CHD6: variants seen among roughly 807,000 people sequenced by gnomAD.
The protein encoded by CHD6 is ATP-dependent chromatin remodeler CHD6.
Under a neutral mutation model 276.9 loss-of-function variants are expected in CHD6, and 50 were observed. The ratio of observed to expected loss-of-function variants is 0.18; its 90% CI spans 0.14 to 0.23. The LOEUF (loss-of-function observed/expected upper bound fraction) is 0.23, where lower values mean the gene tolerates loss of function less well. Ranked by LOEUF, CHD6 falls within the 10% of genes least tolerant of loss-of-function variation. CHD6 has a pLI of 1.00. For missense variants in CHD6, 2,564 were observed against 3,365.8 expected, an observed-to-expected ratio of 0.76 and a Z score of 5.89; for synonymous variants, 1,173 against 1,229.3, an observed-to-expected ratio of 0.95 and a Z score of 0.96.
Position 41,425,723 on chromosome 20 carries a change from C to G in CHD6, c.4130-329G>C, listed in dbSNP as rs138224004. ...GCACCTTCCAATTACCAAAGCTCCT[C>G]TCACGTCTGAATTCAGAAAATTCAA... is the stretch of plus-strand genomic sequence containing the variant. On this transcript the variant is annotated intron_variant, in intron 28 of 36. Coordinates refer to ENST00000373233, the MANE Select transcript of CHD6 (RefSeq NM_032221.5). Among the ~76,000 whole-genome samples the G allele has an allele frequency of 2.8e-3, 419 of 152,050 alleles. 2 individuals carry two copies. Among genetic ancestry groups the G allele is most frequent in the Middle Eastern group, 0.024 (7 of 294 alleles).
rs539633890 is a variant in CHD6 at position 41,573,442 on chromosome 20, C to T, written c.-23-22082G>A. On this transcript the variant is annotated intron_variant, in intron 1 of 36. Coordinates refer to ENST00000373233, the MANE Select transcript of CHD6 (RefSeq NM_032221.5). ...CTCAAATTCCATGATTTTTAGCCTCCATGTATTATGTTACACAACAACCCT... is the reference window on the plus strand; with the variant it reads ...CTCAAATTCCATGATTTTTAGCCTCTATGTATTATGTTACACAACAACCCT... 9.2e-5 allele frequency among the ~76,000 whole-genome samples: 14 copies of T among 152,264 alleles called. 3 individuals carry two copies. The highest frequency in any genetic ancestry group is 3.4e-4 in the African/African-American group (14 of 41,536).
chr20:41,411,941 G>A (rs1015388287), intron 36 of CHD6, among the ~76,000 whole-genome samples: 1 of 152,326 alleles, frequency 6.6e-6, no homozygotes, highest in Non-Finnish European at 1.5e-5. Context: ...GAAAACAAAT[G>A]ACCACTGGGA....
rs1347309549 is a variant in CHD6, at chr20:41,473,770, C to T, written c.2469-253G>A. Among the ~76,000 whole-genome samples, 1 of 152,084 alleles carries T rather than the reference C, an allele frequency of 6.6e-6. No homozygotes were observed. The highest frequency in any genetic ancestry group is 2.4e-5 in the African/African-American group (1 of 41,420). On this transcript the variant is annotated intron_variant, in intron 16 of 36. Transcript: ENST00000373233. This position sits in a 1 kb window ranked among gnomAD's most constrained non-coding sequence, Gnocchi z 4.1. ...ACAAAACAAAGCAAAAAAAAACCAG[C>T]TGTAAACTAAGAAGGACTAGAAGAA...
In CHD6 at chr20:41,403,152, T is replaced by C; in HGVS notation, c.*1441A>G. The stretch of plus-strand genomic sequence containing the variant: ...CAGACTTTTGGACCTTCTGATAAAT[T>C]AGCAAAACTGTAACAGAAAAAGTAA... On this transcript the variant is annotated 3_prime_UTR_variant, in exon 37 of 37. Coordinates refer to ENST00000373233, the MANE Select transcript of CHD6 (RefSeq NM_032221.5). 1 of 551,368 alleles carries C rather than the reference T, an allele frequency of 1.8e-6. No homozygotes were observed. Among genetic ancestry groups the C allele is most frequent in the Non-Finnish European group, 2.4e-6 (1 of 412,058 alleles). The allele number at this position is 551,368 out of a possible 1,614,324, so 34.2% of individuals were successfully genotyped here.
intron 3 of CHD6, among the ~76,000 whole-genome samples, chr20:41,521,337 T>C (rs1233318695): frequency 1.3e-5 from 2 of 152,176 alleles, no homozygotes; most frequent in Non-Finnish European, 2.9e-5. Flanking sequence ...GGTAGTTAAA[T>C]GGTGAAGTGA....
chr20:41,489,618 G>A (rs1323157535), intron 12 of CHD6, among the ~76,000 whole-genome samples, 160 bp downstream of exon 12: 2 of 152,158 alleles, frequency 1.3e-5, no homozygotes, highest in African/African-American at 2.4e-5. Flanking sequence ...AAATTAAAAC[G>A]AGCTACCAGG....
At chr20:41,612,616 A>G (rs187233997) in intron 1 of CHD6, among the ~76,000 whole-genome samples, 2 of 152,228 alleles carry the variant, frequency 1.3e-5, no homozygotes, top group Admixed American at 1.3e-4. Context: ...CTCTGTGTTA[A>G]ATTATGTAAA....
chr20:41,598,861 G>A (rs984873351), intron 1 of CHD6, among the ~76,000 whole-genome samples: 1 of 152,096 alleles, frequency 6.6e-6, no homozygotes, highest in Non-Finnish European at 1.5e-5. Flanking sequence ...AAATAAGTGG[G>A]GCAACACTTG....
In CHD6 at chr20:41,415,428, A is replaced by G; in HGVS notation, c.6697T>C (p.Phe2233Leu). 6.2e-7 allele frequency: 1 copy of G among 1,612,748 alleles called. No individual in the cohort carries two copies. ...SEGSPGATSP[F>L]PVSASTPKIG... ...TTAGGGGTGCTGGCGCTCACTGGGA[A>G]AGGGGATGTGGCTCCTGGGGACCCC... is the stretch of plus-strand genomic sequence containing the variant. The change falls in exon 34 of 37, where the codon TTC becomes CTC. Residue 2233 changes from phenylalanine (F) to leucine (L), a missense_variant. Physicochemically the swap from Phe to Leu is conservative, Grantham distance 22. Around this residue, in one of 7 missense-constraint regions of CHD6, gnomAD observed 1,024 missense variants for 1,047.9 expected, o/e 0.98. Transcript: ENST00000373233.
Position 41,405,106 on chromosome 20 carries a change from G to C in CHD6, c.7635C>G (p.Thr2545=), listed in dbSNP as rs143295154. The stretch of plus-strand genomic sequence containing the variant: ...GAGACGCCGGAGCAGTGGAAGTGCA[G>C]GTGGTTGCCATGGGTGGACTGAGGA... ...GGLLSPPMAT[T]CTSTAPASLS... The change falls in exon 37 of 37, where the codon ACC becomes ACG. Residue 2545 remains threonine, a synonymous_variant. Transcript: ENST00000373233. 2.0e-4 allele frequency: 319 copies of C among 1,614,114 alleles called. No individual in the cohort carries two copies. Among genetic ancestry groups the C allele is most frequent in the Non-Finnish European group, 2.6e-4 (307 of 1,180,044 alleles).
intron 17 of CHD6, among the ~76,000 whole-genome samples, chr20:41,458,478 A>T (rs1171536148): frequency 6.6e-6 from 1 of 152,214 alleles, no homozygotes; most frequent in Non-Finnish European, 1.5e-5. Flanking sequence ...AACATGACCT[A>T]GTCAAATGTG....
chr20:41,466,824 T>C (rs2042931624), intron 17 of CHD6, among the ~76,000 whole-genome samples: 1 of 152,218 alleles, frequency 6.6e-6, no homozygotes, highest in Non-Finnish European at 1.5e-5. Context: ...AGCAACATTT[T>C]CAACCGAAAC....
In CHD6 at chr20:41,404,128, C is replaced by A. The variant is rs1053592679; in HGVS notation, c.*465G>T. 6 of 1,056,454 alleles carry A rather than the reference C, an allele frequency of 5.7e-6. No individual in the cohort carries two copies. The highest frequency in any genetic ancestry group is 6.9e-6 in the Non-Finnish European group (6 of 874,236). 65.4% of individuals were successfully genotyped at this position (1,056,454 alleles called of 1,614,324 possible). On this transcript the variant is annotated 3_prime_UTR_variant, in exon 37 of 37. Transcript: ENST00000373233. ...AAATATTTTAACTCAAAAATATGCA[C>A]CAGCACTTCCTTTTTCTGTGCTTTT...
At chr20:41,595,675 C>A (rs1198384572) in intron 1 of CHD6, among the ~76,000 whole-genome samples, 1 of 152,112 alleles carries the variant, frequency 6.6e-6, no homozygotes, top group African/African-American at 2.4e-5. Flanking sequence ...TCTAATAGCC[C>A]TCCAGGTCTC....
intron 1 of CHD6, among the ~76,000 whole-genome samples, chr20:41,559,560 C>T (rs192727493): frequency 6.6e-6 from 1 of 152,254 alleles, no homozygotes; most frequent in East Asian, 1.9e-4. Flanking sequence ...GTTTCTTGAT[C>T]CCTCTGATTG....
intron 1 of CHD6, among the ~76,000 whole-genome samples, chr20:41,579,055 G>A (rs1186237238): frequency 1.4e-5 from 2 of 143,450 alleles, no homozygotes; most frequent in East Asian, 2.1e-4. Flanking sequence ...GCTGGAACCC[G>A]GGTGGCAGAG....
Position 41,591,375 on chromosome 20 carries a change from T to TACACACACAC in CHD6, c.-24+26964_-24+26965insGTGTGTGTGT, listed in dbSNP as rs1391046913. On this transcript the variant is annotated intron_variant, in intron 1 of 36. Transcript: ENST00000373233. ...TAAAGTATAATTTTACATATATATA[T>TACACACACAC]ATATACACACACACACACACACACA... Among the ~76,000 whole-genome samples, 696 of 121,040 alleles carry TACACACACAC rather than the reference T, an allele frequency of 5.8e-3. 2 individuals are homozygous for TACACACACAC. The highest frequency in any genetic ancestry group is 7.3e-3 in the Non-Finnish European group (457 of 62,640). 79.4% of individuals were successfully genotyped at this position (121,040 alleles called of 152,430 possible). A position where few individuals can be genotyped will look rare whatever the true frequency, so the allele number is the denominator to read the frequency against.
Position 41,440,841 on chromosome 20 carries a change from C to T in CHD6, c.3878-712G>A, listed in dbSNP as rs150108967. Among the ~76,000 whole-genome samples the T allele has an allele frequency of 4.4e-3, 668 of 152,352 alleles. 5 individuals are homozygous for T. The highest frequency in any genetic ancestry group is 0.015 in the African/African-American group (621 of 41,576). On this transcript the variant is annotated intron_variant, in intron 25 of 36. Transcript: ENST00000373233. ...AGACAGCATTTGGCCACATAAAAGG[C>T]AGAGTCCCCATCAGAGGAGATGGAA... is the stretch of plus-strand genomic sequence containing the variant.
At chr20:41,576,683 A>G (rs1032564963) in intron 1 of CHD6, among the ~76,000 whole-genome samples, 17 of 152,190 alleles carry the variant, frequency 1.1e-4, no homozygotes, top group African/African-American at 3.1e-4. Flanking sequence ...CCCCCCAGCA[A>G]AAAAAGAAAC....
Sources: gnomAD v4.1 joint callset for allele counts (sites outside exome capture counted in the v4.1 genomes callset) on GRCh38, gnomAD v4.1.1 for gene constraint, gnomAD v4.1.1 regional missense constraint, Gnocchi (gnomAD v3.1) non-coding constraint, MANE v1.5 for transcripts, NCBI Gene and HGNC (gene_info 2026-07-23, HGNC 2026-07-21) for gene names.